DPP10: variants seen among roughly 807,000 people sequenced by gnomAD.
DPP10 encodes the protein inactive dipeptidyl peptidase 10.
Under a neutral mutation model 120.9 loss-of-function variants are expected in DPP10, and 33 were observed. The ratio of observed to expected loss-of-function variants is 0.27; its 90% CI spans 0.21 to 0.37. The LOEUF is 0.37. Among genes scored for constraint, DPP10 ranks in the 10% least tolerant of loss-of-function variants. DPP10 has a pLI of 1.00. For synonymous variants in DPP10, 337 were observed against 326.1 expected (o/e 1.03, Z -0.36); for missense variants, 816 against 942.8 (o/e 0.87, Z 1.76).
At chr2:115,512,404 T>G (rs1195139534) in intron 4 of DPP10, among the ~76,000 whole-genome samples, 1 of 152,092 alleles carries the variant, frequency 6.6e-6, no homozygotes, top group Admixed American at 6.6e-5. Flanking sequence ...GGCCTAAGAT[T>G]ACAGATATGA....
intron 1 of DPP10, among the ~76,000 whole-genome samples, chr2:114,506,270 A>C (rs143995853): frequency 1.3e-5 from 2 of 152,314 alleles, no homozygotes; most frequent in East Asian, 3.9e-4. Context: ...TGTCAGAGAG[A>C]AGTGACTTGA....
At chr2:114,469,003 G>A (rs949103254) in intron 1 of DPP10, among the ~76,000 whole-genome samples, 1 of 152,196 alleles carries the variant, frequency 6.6e-6, no homozygotes, top group African/African-American at 2.4e-5. Context: ...TGATGCAGAA[G>A]TTGACAGAGA....
At chr2:115,669,041 G>A (rs964042426) in intron 5 of DPP10, among the ~76,000 whole-genome samples, 2 of 151,902 alleles carry the variant, frequency 1.3e-5, no homozygotes, top group Non-Finnish European at 2.9e-5. Flanking sequence ...CTGCTATTTT[G>A]CAAGTGGTAT....
intron 1 of DPP10, among the ~76,000 whole-genome samples, chr2:115,226,481 A>C (rs747511139): frequency 2.6e-5 from 4 of 152,220 alleles, no homozygotes; most frequent in Non-Finnish European, 5.9e-5. Flanking sequence ...CATTTGAGAC[A>C]TAGTAAACTC....
chr2:115,377,828 G>C (rs1037995385), intron 3 of DPP10, among the ~76,000 whole-genome samples: 6 of 152,126 alleles, frequency 3.9e-5, no homozygotes, highest in African/African-American at 1.4e-4. Flanking sequence ...CCCATTGCTT[G>C]TTTTTGTCAG....
intron 3 of DPP10, among the ~76,000 whole-genome samples, chr2:115,379,369 G>A (rs1346060903): frequency 6.6e-6 from 1 of 152,166 alleles, no homozygotes; most frequent in Non-Finnish European, 1.5e-5. Flanking sequence ...TCTGATGGTA[G>A]TTTGTATTTC....
chr2:115,509,347 G>T (rs970961804), intron 4 of DPP10, among the ~76,000 whole-genome samples: 39 of 152,154 alleles, frequency 2.6e-4, no homozygotes, highest in Non-Finnish European at 4.7e-4. Context: ...GGTGATGGCG[G>T]TTAGAATGAT....
intron 1 of DPP10, among the ~76,000 whole-genome samples, chr2:114,584,373 C>T (rs1690773942): frequency 6.6e-6 from 1 of 152,124 alleles, no homozygotes; most frequent in South Asian, 2.1e-4. Context: ...TCACCTGTTA[C>T]ATACCTTTAT....
At chr2:115,259,174 A>G (rs1177105630) in intron 1 of DPP10, among the ~76,000 whole-genome samples, 1 of 152,062 alleles carries the variant, frequency 6.6e-6, no homozygotes, top group Non-Finnish European at 1.5e-5. Context: ...CTGGTGCCCA[A>G]AGGGAGGAAG....
chr2:114,699,050 TC>T (rs1381272964), intron 1 of DPP10, among the ~76,000 whole-genome samples: 28 of 152,058 alleles, frequency 1.8e-4, no homozygotes, highest in African/African-American at 6.3e-4. Flanking sequence ...GGCCTTACAA[TC>T]CACTTCAAAC....
At chr2:114,701,854 T>C (rs190960663) in intron 1 of DPP10, among the ~76,000 whole-genome samples, 1 of 152,150 alleles carries the variant, frequency 6.6e-6, no homozygotes, top group African/African-American at 2.4e-5. Context: ...TTTGAGGTCA[T>C]CTATGAAAAT....
At chr2:114,691,105 A>T (rs528509679) in intron 1 of DPP10, among the ~76,000 whole-genome samples, 3 of 152,080 alleles carry the variant, frequency 2.0e-5, no homozygotes, top group African/African-American at 7.2e-5. Flanking sequence ...TACCATGTTG[A>T]ATAAGAGTGG....
chr2:114,525,111 C>G (rs895487234), intron 1 of DPP10, among the ~76,000 whole-genome samples: 1 of 152,194 alleles, frequency 6.6e-6, no homozygotes, highest in Admixed American at 6.5e-5. Context: ...GTTTAACTCA[C>G]TTTCTAAGCC....
chr2:114,780,246 A>G (rs996194030), intron 1 of DPP10, among the ~76,000 whole-genome samples: 3 of 152,194 alleles, frequency 2.0e-5, no homozygotes, highest in Non-Finnish European at 4.4e-5. Flanking sequence ...GATGATATAG[A>G]GTATTTTTGT....
chr2:114,919,598 C>G (rs966866236), intron 1 of DPP10, among the ~76,000 whole-genome samples: 3 of 152,176 alleles, frequency 2.0e-5, no homozygotes, highest in African/African-American at 7.2e-5. Context: ...TAAAGTTAAA[C>G]TCAATCTAGT....
rs116991168 is a variant in DPP10, at chr2:115,069,510, A to G, written c.61-239729A>G. Among the ~76,000 whole-genome samples the G allele has an allele frequency of 1.0e-3, 156 of 152,222 alleles. 1 individual carries two copies. In the East Asian group the frequency reaches 0.021, roughly 20 times the overall value. ...AGACAATTTAACTTTTTCAGTCAAG[A>G]TTGTAATGGATATCCTCCAGACTGT... On this transcript the variant is annotated intron_variant, in intron 1 of 25. Coordinates refer to ENST00000410059, the MANE Select transcript of DPP10 (RefSeq NM_020868.6).
chr2:115,125,633 A>G (rs974572204), intron 1 of DPP10, among the ~76,000 whole-genome samples: 4 of 135,622 alleles, frequency 2.9e-5, no homozygotes, highest in East Asian at 2.4e-4. Context: ...GTGCAGTGGC[A>G]TGATCTTGGC....
intron 4 of DPP10, among the ~76,000 whole-genome samples, chr2:115,514,998 A>G (rs1476520968): frequency 6.6e-6 from 1 of 151,916 alleles, no homozygotes; most frequent in East Asian, 1.9e-4. Flanking sequence ...GTATACGTCT[A>G]CATTATATTT....
intron 5 of DPP10, among the ~76,000 whole-genome samples, chr2:115,590,527 A>G (rs1024685755): frequency 2.6e-5 from 4 of 152,174 alleles, no homozygotes; most frequent in Admixed American, 6.5e-5. Flanking sequence ...GTAGTATTCC[A>G]TGGTGTATAT....
Sources: allele counts gnomAD v4.1 joint callset (sites outside exome capture counted in the v4.1 genomes callset), GRCh38; gene constraint gnomAD v4.1.1; transcripts MANE v1.5; gene names NCBI Gene and HGNC (gene_info 2026-07-23, HGNC 2026-07-21).